CHN2: variants seen among roughly 807,000 people sequenced by gnomAD.
CHN2 encodes the protein beta-chimaerin.
A neutral mutation model predicts 56.3 loss-of-function variants in CHN2; 35 were observed. That is an observed-to-expected ratio of 0.62 (90% confidence interval 0.47 to 0.82). CHN2 has a LOEUF of 0.82. CHN2 is among the 40% of genes least tolerant of loss of function. The pLI, the probability that CHN2 is intolerant of heterozygous loss-of-function variation, is 0.00. For missense variants in CHN2, 491 were observed against 580.5 expected (o/e 0.85, Z 1.58); for synonymous variants, 210 against 212.8 (o/e 0.99, Z 0.12).
At chr7:29,293,113 G>A (rs934043366) in intron 1 of CHN2, 19 of 426,382 alleles carry the variant, frequency 4.5e-5, no homozygotes, top group East Asian at 2.1e-4. Context: ...GGCAGCACTC[G>A]TTTGCAGCTA....
chr7:29,451,714 C>G (rs867415191), intron 6 of CHN2, among the ~76,000 whole-genome samples: 1 of 152,176 alleles, frequency 6.6e-6, no homozygotes, highest in Non-Finnish European at 1.5e-5. Flanking sequence ...AGTCCATGAC[C>G]TGGAGGTTCA....
chr7:29,242,531 T>C (rs1246534257), intron 1 of CHN2, among the ~76,000 whole-genome samples: 2 of 152,140 alleles, frequency 1.3e-5, no homozygotes, highest in Non-Finnish European at 2.9e-5. Context: ...TTCTCAGTTT[T>C]TTACGCATTT....
At chr7:29,152,471 C>T (rs1481484476) in intron 2 of CHN2, among the ~76,000 whole-genome samples, 2 of 152,110 alleles carry the variant, frequency 1.3e-5, no homozygotes, top group African/African-American at 2.4e-5. Context: ...GAAGTCATAA[C>T]AACTTACCCA....
At chr7:29,150,949 TA>T (rs1412794634) in intron 2 of CHN2, among the ~76,000 whole-genome samples, 4 of 152,058 alleles carry the variant, frequency 2.6e-5, no homozygotes, top group Non-Finnish European at 5.9e-5. Context: ...ACTGTGCTAT[TA>T]AAAAAGGGAG....
intron 8 of CHN2, among the ~76,000 whole-genome samples, chr7:29,497,614 A>T (rs927692529): frequency 6.6e-6 from 1 of 152,154 alleles, no homozygotes; most frequent in Non-Finnish European, 1.5e-5. Flanking sequence ...AAAGGTTAGG[A>T]AGAACCATCA....
Position 29,194,828 on chromosome 7 carries a change from C to T in CHN2, c.-114C>T, listed in dbSNP as rs1422021817. On this transcript the variant is annotated 5_prime_UTR_variant, in exon 1 of 13. Coordinates refer to ENST00000222792, the MANE Select transcript of CHN2 (RefSeq NM_004067.4). The stretch of plus-strand genomic sequence containing the variant: ...GGAGGCTGGTGCTTTCTGCGCGTCC[C>T]CAGGACTTTGCCATGGGCTGGGGGC... 4.1e-6 allele frequency: 4 copies of T among 984,178 alleles called. No homozygotes were observed. Among genetic ancestry groups the T allele is most frequent in the Non-Finnish European group, 4.1e-6 (3 of 735,460 alleles). The allele number at this position is 984,178 out of a possible 1,614,324, so 61.0% of individuals were successfully genotyped here.
At chr7:29,241,856 A>C (rs567355192) in intron 1 of CHN2, among the ~76,000 whole-genome samples, 1 of 152,196 alleles carries the variant, frequency 6.6e-6, no homozygotes, top group African/African-American at 2.4e-5. Context: ...AAATAAACAA[A>C]AATCTCCTTT....
chr7:29,333,315 C>A (rs1796366372), intron 1 of CHN2, among the ~76,000 whole-genome samples: 1 of 152,152 alleles, frequency 6.6e-6, no homozygotes, highest in African/African-American at 2.4e-5. Flanking sequence ...TTTTCTGAGC[C>A]AACAGCTGCT....
chr7:29,150,567 T>A (rs1793452701), intron 2 of CHN2, among the ~76,000 whole-genome samples: 1 of 152,204 alleles, frequency 6.6e-6, no homozygotes, highest in African/African-American at 2.4e-5. Context: ...CATTTACACA[T>A]CTTGATCAGG....
chr7:29,151,382 G>C (rs931789089), intron 2 of CHN2, among the ~76,000 whole-genome samples: 1 of 152,136 alleles, frequency 6.6e-6, no homozygotes, highest in African/African-American at 2.4e-5. Flanking sequence ...CAGGTGTTAA[G>C]GCTTTCTTAC....
At chr7:29,383,045 T>C (rs1233628531) in intron 3 of CHN2, among the ~76,000 whole-genome samples, 1 of 152,190 alleles carries the variant, frequency 6.6e-6, no homozygotes, top group African/African-American at 2.4e-5. Context: ...GCTATTCATG[T>C]GTTCATCCAG....
At chr7:29,147,152 C>A (rs1443247678) in intron 2 of CHN2, 2 of 738,896 alleles carry the variant, frequency 2.7e-6, no homozygotes, top group Non-Finnish European at 4.3e-6. Flanking sequence ...TTATTAGCCA[C>A]CACCAGGTGC....
chr7:29,425,987 G>A lies in CHN2; in HGVS notation c.576+25159G>A, dbSNP rs544424211. On this transcript the variant is annotated intron_variant, in intron 6 of 12. Coordinates refer to ENST00000222792, the MANE Select transcript of CHN2 (RefSeq NM_004067.4). ...GCACTTTGGGAGGCCAAGGCGGATGGATCATGAGGTCAGGAGTTCAAGACC... is the reference window on the plus strand; with the variant it reads ...GCACTTTGGGAGGCCAAGGCGGATGAATCATGAGGTCAGGAGTTCAAGACC... 3.0e-3 allele frequency among the ~76,000 whole-genome samples: 461 copies of A among 152,094 alleles called. 3 individuals carry two copies. Among genetic ancestry groups the A allele is most frequent in the African/African-American group, 0.01 (424 of 41,500 alleles).
chr7:29,183,996 T>C (rs143507438), intron 2 of CHN2, among the ~76,000 whole-genome samples: 79 of 152,150 alleles, frequency 5.2e-4, no homozygotes, highest in African/African-American at 1.9e-3. Flanking sequence ...TGATTCAAAG[T>C]ATACAGGAGG....
chr7:29,192,660 G>A (rs1396511445), upstream of CHN2: 1 of 152,216 alleles, frequency 6.6e-6, no homozygotes, highest in Non-Finnish European at 1.5e-5. Context: ...GTACACTGTA[G>A]CTTTCCACAT....
rs570499400 is a variant in CHN2 at position 29,219,088 on chromosome 7, G to A, written c.49+24098G>A. The stretch of plus-strand genomic sequence containing the variant: ...GTGCGTATTATAAATCCTGAATCAC[G>A]AGGAATGGGTTTTGAAACCGCAGTG... On this transcript the variant is annotated intron_variant, in intron 1 of 12. Transcript: ENST00000222792. 7.9e-5 allele frequency among the ~76,000 whole-genome samples: 12 copies of A among 152,252 alleles called. No individual in the cohort carries two copies. The South Asian group carries it at 1.7e-3, about 21-fold the overall frequency.
At chr7:29,323,389 G>T (rs1223951754) in intron 1 of CHN2, among the ~76,000 whole-genome samples, 1 of 152,036 alleles carries the variant, frequency 6.6e-6, no homozygotes, top group African/African-American at 2.4e-5. Flanking sequence ...TACACTCCAG[G>T]TAGTCTGACC....
chr7:29,404,949 T>C (rs1026861501), intron 6 of CHN2, among the ~76,000 whole-genome samples: 2 of 151,826 alleles, frequency 1.3e-5, no homozygotes, highest in Non-Finnish European at 2.9e-5. Flanking sequence ...CTGATTGCCT[T>C]TGAAGAAGGG....
chr7:29,294,470 C>T (rs770381563), intron 1 of CHN2, among the ~76,000 whole-genome samples: 7 of 152,176 alleles, frequency 4.6e-5, no homozygotes, highest in Admixed American at 1.3e-4. Context: ...CACAGAAACA[C>T]TTTCTCAAAA....
Sources: gnomAD v4.1 joint callset for allele counts (sites outside exome capture counted in the v4.1 genomes callset) on GRCh38, gnomAD v4.1.1 for gene constraint, MANE v1.5 for transcripts, NCBI Gene and HGNC (gene_info 2026-07-23, HGNC 2026-07-21) for gene names.